INPP5J: variants seen among roughly 807,000 people sequenced by gnomAD.
The protein encoded by INPP5J is inositol polyphosphate-5-phosphatase J.
A neutral mutation model predicts 86.6 loss-of-function variants in INPP5J; 75 were observed. The observed-to-expected ratio is 0.87, with a 90% CI of 0.72 to 1.05. INPP5J has a LOEUF of 1.05. Among genes scored for constraint, INPP5J ranks in the 50% least tolerant of loss-of-function variants. The pLI is 0.00. For missense variants in INPP5J, 1,229 were observed against 1,341.2 expected (o/e 0.92, Z 1.31); for synonymous variants, 540 against 550.0 (o/e 0.98, Z 0.25).
Position 31,127,493 on chromosome 22 carries a change from A to C in INPP5J, c.1748A>C (p.Gln583Pro), listed in dbSNP as rs1182377625. Reference protein sequence around the residue: ...DNFQTILSLQQFQGPGAQGIL... With the variant: ...DNFQTILSLQPFQGPGAQGIL... ...TTCCAGACCATCCTCAGCCTCCAGC[A>C]GTTCCAAGGGCCGGGCGCACAGGGC... Residue 583 changes from glutamine to proline, a missense_variant, in exon 6 of 13, where the codon CAG becomes CCG. Gln to Pro is a moderately conservative substitution (Grantham distance 76, BLOSUM62 -1). Transcript: ENST00000331075. The C allele has an allele frequency of 1.9e-6, 3 of 1,613,850 alleles. No homozygotes were observed. The highest frequency in any genetic ancestry group is 2.5e-6 in the Non-Finnish European group (3 of 1,179,820).
chr22:31,127,915 G>GGCC, intron 6 of INPP5J, 36 bp from the exon 7 acceptor site: 14 of 1,147,352 alleles, frequency 1.2e-5, no homozygotes, highest in East Asian at 2.4e-5. Context: ...ACCCCCCACT[G>GGCC]CCCCCCACAT....
Position 31,134,288 on chromosome 22 carries a change from T to C in INPP5J, c.2890T>C (p.Leu964=). 6.4e-7 allele frequency: 1 copy of C among 1,554,966 alleles called. No individual in the cohort carries two copies. Among genetic ancestry groups the C allele is most frequent in the Non-Finnish European group, 8.7e-7 (1 of 1,149,904 alleles). Residue 964 remains leucine, a synonymous_variant, in exon 13 of 13, where the codon TTG becomes CTG. Coordinates refer to ENST00000331075, the MANE Select transcript of INPP5J (RefSeq NM_001284285.2). ...TCGAAGCCTGGGCCTGTTGCCCGCCTTGCGCCTAGAGACTGTAGACCCTGG... is the reference window on the plus strand; with the variant it reads ...TCGAAGCCTGGGCCTGTTGCCCGCCCTGCGCCTAGAGACTGTAGACCCTGG... ...VPRSLGLLPA[L]RLETVDPGGG...
chr22:31,126,140 G>A, intron 2 of INPP5J, 130 bp downstream of exon 2: 1 of 981,730 alleles, frequency 1.0e-6, no homozygotes, highest in Non-Finnish European at 1.5e-6. Flanking sequence ...GGGGTTGCTG[G>A]GCCCACTCTG....
chr22:31,123,009 G>C lies in INPP5J; in HGVS notation c.-6G>C. 2.1e-6 allele frequency: 3 copies of C among 1,439,960 alleles called. No homozygotes were observed. The South Asian group carries it at 4.3e-5, about 21-fold the overall frequency. The allele number at this position is 1,439,960 out of a possible 1,614,324, so 89.2% of individuals were successfully genotyped here. ...AAGGGAGTCCAGGCTGCCGGGGGCT[G>C]CAGACATGGAGGGCCAGAGCAGCAG... is the stretch of plus-strand genomic sequence containing the variant. On this transcript the variant is annotated 5_prime_UTR_variant, in exon 1 of 13. Transcript: ENST00000331075.
At position 31,125,836 on chromosome 22, in the gene INPP5J, C is replaced by G; in HGVS notation, c.1097C>G (p.Pro366Arg). ...PNRSPCVPPAPDMALPRLGTQ... is the reference protein window; with the variant it reads ...PNRSPCVPPARDMALPRLGTQ... ...CGCTCTCCCTGTGTTCCCCCAGCCC[C>G]TGACATGGCCCTCCCAAGGCTTGGC... Residue 366 changes from proline (P) to arginine (R), a missense_variant, in exon 2 of 13, where the codon CCT becomes CGT. Pro to Arg is a moderately radical substitution (Grantham distance 103). Coordinates refer to ENST00000331075, the MANE Select transcript of INPP5J (RefSeq NM_001284285.2). 6.2e-7 allele frequency: 1 copy of G among 1,608,240 alleles called. No homozygotes were observed. Among genetic ancestry groups the G allele is most frequent in the Non-Finnish European group, 8.5e-7 (1 of 1,177,072 alleles).
chr22:31,127,687 G>A, intron 6 of INPP5J, 155 bp downstream of exon 6: 1 of 840,118 alleles, frequency 1.2e-6, no homozygotes, highest in Non-Finnish European at 1.8e-6. Context: ...AGAGCAGTTG[G>A]ATGGGGAGGG....
chr22:31,134,166 T>C lies in INPP5J; in HGVS notation c.2768T>C (p.Val923Ala), dbSNP rs1404535672. 3.5e-5 allele frequency: 54 copies of C among 1,549,182 alleles called. No individual in the cohort carries two copies. Among genetic ancestry groups the C allele is most frequent in the Non-Finnish European group, 4.4e-5 (50 of 1,146,132 alleles). ...PSPQSRRLSRVAPDRSSNGSS... is the reference protein window; with the variant it reads ...PSPQSRRLSRAAPDRSSNGSS... ...CCCCAGAGCCGCCGCCTGTCCCGAG[T>C]GGCTCCTGACAGGAGCAGTAATGGC... Residue 923 changes from valine to alanine, a missense_variant, in exon 13 of 13, where the codon GTG (valine) becomes GCG (alanine). By Grantham distance (64) the Val-to-Ala change is moderately conservative (BLOSUM62 0). Coordinates refer to ENST00000331075, the MANE Select transcript of INPP5J (RefSeq NM_001284285.2).
In INPP5J at chr22:31,133,409, G is replaced by A. The variant is rs1485821257; in HGVS notation, c.2335G>A (p.Gly779Ser). 3 of 1,613,696 alleles carry A rather than the reference G, an allele frequency of 1.9e-6. No individual in the cohort carries two copies. The highest frequency in any genetic ancestry group is 4.5e-5 in the East Asian group (2 of 44,892). ...SWDWIGLYRV[G>S]FRHCKDYVAY... The stretch of plus-strand genomic sequence containing the variant: ...TTCCACAACACTGATCCCCCAGGTG[G>A]GTTTCCGCCATTGCAAGGACTATGT... The change falls in exon 11 of 13, where the codon GGT (glycine) becomes AGT (serine). Residue 779 changes from glycine (G) to serine (S), a missense_variant. Coordinates refer to ENST00000331075, the MANE Select transcript of INPP5J (RefSeq NM_001284285.2).
intron 5 of INPP5J, 121 bp downstream of exon 5, chr22:31,127,158 C>T (rs571185815): frequency 2.4e-6 from 2 of 833,040 alleles, no homozygotes; most frequent in South Asian, 1.6e-5. Flanking sequence ...GCGGCCCAGC[C>T]CCCCCATGCA....
At chr22:31,129,081 G>A (rs572712028) in intron 9 of INPP5J, among the ~76,000 whole-genome samples, 9 of 150,158 alleles carry the variant, frequency 6.0e-5, no homozygotes, top group African/African-American at 2.0e-4. Context: ...TACATCACCC[G>A]CCACCACGCC....
At chr22:31,127,640 G>T (rs1261760691) in intron 6 of INPP5J, 108 bp downstream of exon 6, 1 of 1,120,932 alleles carries the variant, frequency 8.9e-7, no homozygotes, top group Non-Finnish European at 1.3e-6. Context: ...ATGGGGTTTA[G>T]TGCCCACCCA....
intron 9 of INPP5J, among the ~76,000 whole-genome samples, chr22:31,132,536 T>G (rs1410122810): frequency 6.6e-6 from 1 of 151,880 alleles, no homozygotes; most frequent in African/African-American, 2.4e-5. Flanking sequence ...GGTCAGGAGT[T>G]CAAGAACAGC....
chr22:31,128,019 C>A lies in INPP5J; in HGVS notation c.1856C>A (p.Ala619Asp). The A allele has an allele frequency of 6.2e-7, 1 of 1,612,516 alleles. No individual in the cohort carries two copies. Among genetic ancestry groups the A allele is most frequent in the Non-Finnish European group, 8.5e-7 (1 of 1,179,300 alleles). ...TATGACCTGCACTTTGTCAAGTTTG[C>A]CATCGACAGTGACCAGCTCCATCAG... ...ESYDLHFVKF[A>D]IDSDQLHQLW... is the part of the protein sequence containing the mutation. Residue 619 changes from alanine to aspartate, a missense_variant, in exon 7 of 13, where the codon GCC becomes GAC. By Grantham distance (126) the Ala-to-Asp change is moderately radical. Coordinates refer to ENST00000331075, the MANE Select transcript of INPP5J (RefSeq NM_001284285.2).
chr22:31,122,885 A>T, upstream of INPP5J: 1 of 618,132 alleles, frequency 1.6e-6, no homozygotes, highest in Non-Finnish European at 2.6e-6. Context: ...GGCCTCTTCC[A>T]GGCTGGGAAG....
At chr22:31,132,247 C>T (rs114972333) in intron 9 of INPP5J, among the ~76,000 whole-genome samples, 7 of 152,320 alleles carry the variant, frequency 4.6e-5, no homozygotes, top group South Asian at 2.1e-4. Flanking sequence ...CATCCTCCCA[C>T]GCAGAGCTCT....
chr22:31,122,820 G>A (rs1602722003), upstream of INPP5J: 15 of 489,662 alleles, frequency 3.1e-5, no homozygotes, highest in South Asian at 5.0e-4. Flanking sequence ...CTCCATGGCT[G>A]TTCCAGCCTC....
At position 31,130,613 on chromosome 22, in the gene INPP5J, A is replaced by G. The variant is rs958637700; in HGVS notation, c.2193+1959A>G. 2.0e-5 allele frequency among the ~76,000 whole-genome samples: 3 copies of G among 152,228 alleles called. No individual in the cohort carries two copies. The East Asian group carries it at 5.8e-4, about 29-fold the overall frequency. ...AAAAATTCACATATATAATAAGACC[A>G]GCAAAATCAAACTCCATGTAACATT... On this transcript the variant is annotated intron_variant, in intron 9 of 12. Transcript: ENST00000331075.
chr22:31,128,716 C>A (rs772009629), intron 9 of INPP5J, 62 bp downstream of exon 9: 2 of 1,389,930 alleles, frequency 1.4e-6, no homozygotes, highest in Non-Finnish European at 2.0e-6. Context: ...ATACCACTGC[C>A]CCTCACCATT....
At position 31,128,563 on chromosome 22, in the gene INPP5J, A is replaced by G. The variant is rs1439392976; in HGVS notation, c.2102A>G (p.His701Arg). The change falls in exon 9 of 13, where the codon CAC becomes CGC. Residue 701 changes from histidine (H) to arginine (R), a missense_variant. Physicochemically the swap from His to Arg is conservative, Grantham distance 29 (BLOSUM62 0). Transcript: ENST00000331075. ...GGPSPSGRKS[H>R]RLQVTQHSYR... is the part of the protein sequence containing the mutation. ...CCCAGCCCCTCAGGACGGAAGAGCC[A>G]CCGACTCCAGGTGACGCAGCACAGC... is the stretch of plus-strand genomic sequence containing the variant. 10 of 1,613,286 alleles carry G rather than the reference A, an allele frequency of 6.2e-6. No homozygotes were observed. The highest frequency in any genetic ancestry group is 8.5e-6 in the Non-Finnish European group (10 of 1,179,830).
Sources: allele counts gnomAD v4.1 joint callset (sites outside exome capture counted in the v4.1 genomes callset), GRCh38; gene constraint gnomAD v4.1.1; transcripts MANE v1.5; gene names NCBI Gene and HGNC (gene_info 2026-07-23, HGNC 2026-07-21).